ZFPM2: variants seen among roughly 807,000 people sequenced by gnomAD.
ZFPM2 encodes zinc finger protein, FOG family member 2, also known as zinc finger protein ZFPM2.
ZFPM2 carries 20 observed loss-of-function variants against 98.6 expected under a neutral mutation model. That is an observed-to-expected ratio of 0.20 (90% confidence interval 0.14 to 0.29). The LOEUF (loss-of-function observed/expected upper bound fraction) is 0.29, where lower values mean the gene tolerates loss of function less well. Among genes scored for constraint, ZFPM2 ranks in the 10% least tolerant of loss-of-function variants. The pLI, the probability that ZFPM2 is intolerant of heterozygous loss-of-function variation, is 1.00. For synonymous variants in ZFPM2, 518 were observed against 502.7 expected, an observed-to-expected ratio of 1.03 and a Z score of -0.41; for missense variants, 1,310 against 1,388.6, an observed-to-expected ratio of 0.94 and a Z score of 0.90.
intron 1 of ZFPM2, among the ~76,000 whole-genome samples, chr8:105,349,954 G>A (rs1812610723): frequency 1.3e-5 from 2 of 151,994 alleles, no homozygotes; most frequent in South Asian, 4.1e-4. Context: ...ATACTATAAG[G>A]CACTTGAATA....
chr8:105,738,529 A>G (rs1812140122), intron 5 of ZFPM2, among the ~76,000 whole-genome samples: 2 of 152,242 alleles, frequency 1.3e-5, no homozygotes, highest in African/African-American at 2.4e-5. Flanking sequence ...TCTTTTGGGT[A>G]TATACCCAGT....
intron 4 of ZFPM2, among the ~76,000 whole-genome samples, chr8:105,616,419 G>T (rs1450009953): frequency 6.6e-6 from 1 of 151,922 alleles, no homozygotes; most frequent in Non-Finnish European, 1.5e-5. Context: ...AAAGTAAAAA[G>T]ATTAGTCAAA....
rs1045468728 is a variant in ZFPM2, at chr8:105,519,097, G to A, written c.302-42266G>A. 1.9e-4 allele frequency among the ~76,000 whole-genome samples: 29 copies of A among 152,136 alleles called. 1 individual carries two copies. Among genetic ancestry groups the A allele is most frequent in the Admixed American group, 1.8e-3 (28 of 15,278 alleles). On this transcript the variant is annotated intron_variant, in intron 3 of 7. Transcript: ENST00000407775. ...AATTCTCTCAATGTCTTCATGGGAT[G>A]TGTACAAACAGCATCTCCATTTTAT...
chr8:105,714,293 A>G (rs1199630661), intron 5 of ZFPM2, among the ~76,000 whole-genome samples: 1 of 152,004 alleles, frequency 6.6e-6, no homozygotes, highest in Admixed American at 6.6e-5. Flanking sequence ...CAGAAATGCT[A>G]CTGATTTGTG....
chr8:105,340,572 A>T (rs1812410492), intron 1 of ZFPM2, among the ~76,000 whole-genome samples: 1 of 151,966 alleles, frequency 6.6e-6, no homozygotes, highest in African/African-American at 2.4e-5. Flanking sequence ...AATCCATTTA[A>T]TGTAGTTTTC....
chr8:105,430,256 C>T (rs1811994245), intron 2 of ZFPM2, among the ~76,000 whole-genome samples: 1 of 152,066 alleles, frequency 6.6e-6, no homozygotes, highest in Non-Finnish European at 1.5e-5. Context: ...TTAAGGAGGC[C>T]CCCTGAATTG....
intron 6 of ZFPM2, among the ~76,000 whole-genome samples, chr8:105,797,909 C>T (rs1434237643): frequency 6.6e-6 from 1 of 152,168 alleles, no homozygotes; most frequent in Non-Finnish European, 1.5e-5. Context: ...ACCACATGTC[C>T]ATCAACCCAA....
intron 6 of ZFPM2, among the ~76,000 whole-genome samples, chr8:105,792,301 A>AT (rs1813638942): frequency 6.6e-6 from 1 of 152,036 alleles, no homozygotes; most frequent in Non-Finnish European, 1.5e-5. Context: ...CTTTGTTCTC[A>AT]TTGGTTTCAA....
At chr8:105,686,579 C>T (rs111852150) in intron 5 of ZFPM2, among the ~76,000 whole-genome samples, 2 of 152,152 alleles carry the variant, frequency 1.3e-5, no homozygotes, top group African/African-American at 4.8e-5. Context: ...CATTTCTTGG[C>T]TTACCTCAAT....
intron 5 of ZFPM2, among the ~76,000 whole-genome samples, chr8:105,667,262 A>G (rs149752396): frequency 2.0e-5 from 3 of 152,212 alleles, no homozygotes; most frequent in Admixed American, 6.5e-5. Context: ...CAGCTTTCCA[A>G]TACTTGAAAG....
At chr8:105,761,856 C>G (rs1157681172) in intron 5 of ZFPM2, among the ~76,000 whole-genome samples, 1 of 151,716 alleles carries the variant, frequency 6.6e-6, no homozygotes, top group Non-Finnish European at 1.5e-5. Context: ...TTTTTATTCC[C>G]CAGCAATAGA....
intron 5 of ZFPM2, among the ~76,000 whole-genome samples, chr8:105,637,331 AT>A: frequency 6.6e-6 from 1 of 152,236 alleles, no homozygotes; most frequent in East Asian, 1.9e-4. Flanking sequence ...AAATATATAT[AT>A]TAAAGTGTGG....
intron 1 of ZFPM2, among the ~76,000 whole-genome samples, chr8:105,411,861 T>C (rs1418898805): frequency 1.3e-5 from 2 of 151,864 alleles, no homozygotes; most frequent in Admixed American, 6.6e-5. Context: ...TTAGAGATTC[T>C]AGTTCAAATT....
chr8:105,681,643 A>G (rs1420156084), intron 5 of ZFPM2, among the ~76,000 whole-genome samples: 1 of 152,116 alleles, frequency 6.6e-6, no homozygotes, highest in African/African-American at 2.4e-5. Context: ...GTTGTAGAGA[A>G]CCTTCTGGTA....
At position 105,496,353 on chromosome 8, in the gene ZFPM2, C is replaced by T. The variant is rs112067902; in HGVS notation, c.301+51972C>T. ...TGGTTTTGTATCTTCTTACCCCAATCTATAACAGTTCCTCAATCTTCCCTG... is the reference window on the plus strand; with the variant it reads ...TGGTTTTGTATCTTCTTACCCCAATTTATAACAGTTCCTCAATCTTCCCTG... On this transcript the variant is annotated intron_variant, in intron 3 of 7. Coordinates refer to ENST00000407775, the MANE Select transcript of ZFPM2 (RefSeq NM_012082.4). 4.6e-3 allele frequency among the ~76,000 whole-genome samples: 706 copies of T among 152,124 alleles called. 4 individuals carry two copies. The highest frequency in any genetic ancestry group is 0.016 in the African/African-American group (675 of 41,512).
intron 3 of ZFPM2, among the ~76,000 whole-genome samples, chr8:105,458,516 A>T (rs1433389378): frequency 6.6e-6 from 1 of 152,224 alleles, no homozygotes; most frequent in Non-Finnish European, 1.5e-5. Context: ...AATATAAACT[A>T]AAATGAAAAC....
chr8:105,587,103 C>T (rs571491146), intron 4 of ZFPM2, among the ~76,000 whole-genome samples: 2 of 151,104 alleles, frequency 1.3e-5, no homozygotes, highest in South Asian at 2.1e-4. Context: ...GGTGAAACCC[C>T]GTCTCTACTA....
chr8:105,404,987 C>T (rs892076318), intron 1 of ZFPM2, among the ~76,000 whole-genome samples: 6 of 152,052 alleles, frequency 3.9e-5, no homozygotes, highest in African/African-American at 1.4e-4. Context: ...AATTCCCCCA[C>T]AATTTATTCA....
At chr8:105,717,567 C>T (rs1317928478) in intron 5 of ZFPM2, among the ~76,000 whole-genome samples, 1 of 151,700 alleles carries the variant, frequency 6.6e-6, no homozygotes, top group Admixed American at 6.6e-5. Flanking sequence ...CATTCTAGTC[C>T]ATTGATTGTT....
Sources: gnomAD v4.1 joint callset for allele counts (sites outside exome capture counted in the v4.1 genomes callset) on GRCh38, gnomAD v4.1.1 for gene constraint, MANE v1.5 for transcripts, NCBI Gene and HGNC (gene_info 2026-07-23, HGNC 2026-07-21) for gene names.